The following PEX14 variants were observed in gnomAD, a reference collection of about 807,000 sequenced individuals.
PEX14 encodes the protein peroxisomal biogenesis factor 14, also known as peroxisomal membrane protein PEX14.
PEX14 carries 15 observed loss-of-function variants against 49.5 expected under a neutral mutation model. The observed-to-expected ratio is 0.30, with a 90% CI of 0.20 to 0.47. PEX14 has a LOEUF of 0.47. Ranked by LOEUF, PEX14 falls within the 20% of genes least tolerant of loss-of-function variation. The pLI, the probability that PEX14 is intolerant of heterozygous loss-of-function variation, is 1.00. For missense variants in PEX14, 398 were observed against 494.8 expected, an observed-to-expected ratio of 0.80 and a Z score of 1.86; for synonymous variants, 210 against 212.7, an observed-to-expected ratio of 0.99 and a Z score of 0.11.
chr1:10,491,279 A>G (rs1641467340), intron 1 of PEX14, among the ~76,000 whole-genome samples: 1 of 152,146 alleles, frequency 6.6e-6, no homozygotes, highest in East Asian at 1.9e-4. Flanking sequence ...TCACATTTGT[A>G]TTCCCAGCTT....
chr1:10,543,978 AG>A (rs1490365758), intron 3 of PEX14, among the ~76,000 whole-genome samples: 6 of 152,206 alleles, frequency 3.9e-5, no homozygotes, highest in African/African-American at 1.4e-4. Context: ...GGCAATAATA[AG>A]ACCAGCCACA....
At chr1:10,599,873 G>C (rs1640934194) in intron 4 of PEX14, among the ~76,000 whole-genome samples, 1 of 152,106 alleles carries the variant, frequency 6.6e-6, no homozygotes, top group Admixed American at 6.5e-5. Flanking sequence ...CGGTCTGTTA[G>C]GGAATTTCAG....
intron 3 of PEX14, among the ~76,000 whole-genome samples, chr1:10,551,415 A>G (rs1379655681): frequency 6.6e-6 from 1 of 152,164 alleles, no homozygotes; most frequent in Non-Finnish European, 1.5e-5. Context: ...AGCCGAGCTC[A>G]TCTCCATTAG....
intron 1 of PEX14, among the ~76,000 whole-genome samples, chr1:10,488,863 C>T (rs1025954880): frequency 6.6e-6 from 1 of 152,100 alleles, no homozygotes; most frequent in East Asian, 1.9e-4. Context: ...CATTTAAATA[C>T]TTGAGTATAG....
chr1:10,569,505 G>A (rs12565494), intron 3 of PEX14, among the ~76,000 whole-genome samples: 93,501 of 151,926 alleles, frequency 0.62, 30,030 homozygotes, highest in Admixed American at 0.7. Context: ...AGCCTTTCCC[G>A]ATGACTCTGG....
intron 2 of PEX14, among the ~76,000 whole-genome samples, chr1:10,501,131 GTAAT>G (rs1641669977): frequency 6.6e-6 from 1 of 152,070 alleles, no homozygotes; most frequent in African/African-American, 2.4e-5. Flanking sequence ...AGTATTAAAC[GTAAT>G]TATTTAAAAA....
intron 2 of PEX14, among the ~76,000 whole-genome samples, chr1:10,499,671 T>A (rs537435644): frequency 7.3e-4 from 111 of 152,132 alleles, no homozygotes; most frequent in African/African-American, 2.3e-3. Flanking sequence ...ATGGTCTGGA[T>A]CTCCTGACCT....
rs114689674 is a variant in PEX14, at chr1:10,491,337, G to C, written c.37-3937G>C. Among the ~76,000 whole-genome samples the C allele has an allele frequency of 8.3e-4, 126 of 152,224 alleles. 1 individual carries two copies. The highest frequency in any genetic ancestry group is 2.8e-3 in the African/African-American group (118 of 41,528). ...GAAGCCATGACTTGAGGAATTTGGA[G>C]TGTTGCTGTTTCAAATTCCATGGTA... On this transcript the variant is annotated intron_variant, in intron 1 of 8. Coordinates refer to ENST00000356607, the MANE Select transcript of PEX14 (RefSeq NM_004565.3).
intron 3 of PEX14, among the ~76,000 whole-genome samples, chr1:10,538,192 G>A (rs1201001211): frequency 1.3e-5 from 2 of 152,264 alleles, no homozygotes; most frequent in African/African-American, 4.8e-5. Flanking sequence ...GAAGCAGGGA[G>A]CCGGGGTGAG....
At chr1:10,588,253 C>T (rs1640560800) in intron 3 of PEX14, among the ~76,000 whole-genome samples, 2 of 151,988 alleles carry the variant, frequency 1.3e-5, no homozygotes, top group African/African-American at 2.4e-5. Flanking sequence ...CACTATGTTG[C>T]CTAGATTTGA....
intron 1 of PEX14, among the ~76,000 whole-genome samples, chr1:10,481,419 C>T (rs115734690): frequency 6.6e-6 from 1 of 152,118 alleles, no homozygotes; most frequent in African/African-American, 2.4e-5. Flanking sequence ...GGAGCCACCG[C>T]GTCCAGCCTT....
chr1:10,585,599 G>C (rs61776263), intron 3 of PEX14, among the ~76,000 whole-genome samples: 38,859 of 152,174 alleles, frequency 0.26, 6,283 homozygotes, highest in African/African-American at 0.45. Context: ...AAACTCGGTA[G>C]TAATACCAGA....
At chr1:10,610,398 C>CACACACATAT (rs70997260) in intron 4 of PEX14, among the ~76,000 whole-genome samples, 47 of 140,700 alleles carry the variant, frequency 3.3e-4, no homozygotes, top group Admixed American at 2.8e-3. Flanking sequence ...CACACACACA[C>CACACACATAT]ATATATATAT....
At chr1:10,577,587 TTTTTTTTTTTTTTTTTTTTTTTTG>T (rs1640185936) in intron 3 of PEX14, among the ~76,000 whole-genome samples, 1 of 20,584 alleles carries the variant, frequency 4.9e-5, no homozygotes. Flanking sequence ...TTTTTTTTTT[TTTTTTTTTTTTTTTTTTTTTTTTG>T]GACAGAGTCT....
At chr1:10,627,966 C>T (rs758725717) in intron 8 of PEX14, among the ~76,000 whole-genome samples, 14 of 151,998 alleles carry the variant, frequency 9.2e-5, no homozygotes, top group Non-Finnish European at 1.5e-4. Flanking sequence ...GATGGAGTCT[C>T]GCTCTGTTGC....
chr1:10,570,609 G>A (rs142405713), intron 3 of PEX14, among the ~76,000 whole-genome samples: 5,248 of 152,220 alleles, frequency 0.034, 311 homozygotes, highest in African/African-American at 0.12. Context: ...TGGGATTACA[G>A]GCATGAGCCA....
At chr1:10,595,310 C>T (rs540897927) in intron 3 of PEX14, among the ~76,000 whole-genome samples, 115 of 152,312 alleles carry the variant, frequency 7.6e-4, no homozygotes, top group African/African-American at 2.4e-3. Context: ...AGACCCTCTT[C>T]GCCTCCCCTC....
chr1:10,582,078 C>T (rs1005808052), intron 3 of PEX14, among the ~76,000 whole-genome samples: 3 of 151,852 alleles, frequency 2.0e-5, no homozygotes, highest in African/African-American at 7.2e-5. Flanking sequence ...AGTTCATAGA[C>T]ATTTTAATTT....
intron 2 of PEX14, among the ~76,000 whole-genome samples, chr1:10,525,280 C>G (rs1435397980): frequency 1.3e-5 from 2 of 151,696 alleles, no homozygotes; most frequent in Non-Finnish European, 2.9e-5. Context: ...CTGTGATAAT[C>G]AGTTTCACAG....
Sources: gnomAD v4.1 joint callset for allele counts (sites outside exome capture counted in the v4.1 genomes callset) on GRCh38, gnomAD v4.1.1 for gene constraint, MANE v1.5 for transcripts, NCBI Gene and HGNC (gene_info 2026-07-23, HGNC 2026-07-21) for gene names.